Variants in EYS observed in about 807,000 individuals in gnomAD.
The protein encoded by EYS is EGF-like photoreceptor maintenance factor.
Under a neutral mutation model 282.1 loss-of-function variants are expected in EYS, and 250 were observed. The observed-to-expected ratio is 0.89, with a 90% confidence interval of 0.80 to 0.98. The LOEUF (loss-of-function observed/expected upper bound fraction) is 0.98, where lower values mean the gene tolerates loss of function less well. EYS is among the 50% of genes least tolerant of loss of function. EYS has a pLI of 0.00. For synonymous variants in EYS, 1,355 were observed against 1,282.9 expected, an observed-to-expected ratio of 1.06 and a Z score of -1.20; for missense variants, 4,016 against 3,709.0, an observed-to-expected ratio of 1.08 and a Z score of -2.15.
At chr6:65,211,082 G>A (rs757883654) in intron 12 of EYS, among the ~76,000 whole-genome samples, 1 of 151,902 alleles carries the variant, frequency 6.6e-6, no homozygotes, top group Non-Finnish European at 1.5e-5. Context: ...GTGTTTACAC[G>A]AGTATTAGCG....
At chr6:63,895,281 A>G (rs1773508556) in intron 35 of EYS, among the ~76,000 whole-genome samples, 1 of 152,198 alleles carries the variant, frequency 6.6e-6, no homozygotes, top group Non-Finnish European at 1.5e-5. Context: ...CTAAAATTGT[A>G]TCCAACTACT....
At chr6:63,907,987 T>TACACACACACACAC (rs60426309) in intron 35 of EYS, among the ~76,000 whole-genome samples, 10 of 105,900 alleles carry the variant, frequency 9.4e-5, no homozygotes, top group African/African-American at 3.2e-4. Flanking sequence ...TGTATATATG[T>TACACACACACACAC]ACACACACAC....
intron 13 of EYS, among the ~76,000 whole-genome samples, chr6:65,022,546 T>C (rs1772280319): frequency 6.6e-6 from 1 of 152,062 alleles, no homozygotes. Flanking sequence ...CTACAAGGAA[T>C]ACTAAAGGGA....
At chr6:65,611,381 T>G (rs1049814402) in intron 2 of EYS, among the ~76,000 whole-genome samples, 1 of 152,048 alleles carries the variant, frequency 6.6e-6, no homozygotes, top group Non-Finnish European at 1.5e-5. Flanking sequence ...GAAAAGTCAG[T>G]ATAAAGTATA....
chr6:65,397,778 T>A (rs1766342476), intron 7 of EYS, among the ~76,000 whole-genome samples: 1 of 152,102 alleles, frequency 6.6e-6, no homozygotes, highest in South Asian at 2.1e-4. Flanking sequence ...TATCCAGTAG[T>A]AGCATTGCTG....
intron 12 of EYS, among the ~76,000 whole-genome samples, chr6:65,271,128 T>TTATATATATA (rs70999188): frequency 0.02 from 1,123 of 55,744 alleles, 83 homozygotes; most frequent in South Asian, 0.046. Context: ...AATCAATAGA[T>TTATATATATA]TATATATATA....
At chr6:65,523,245 A>G (rs1347369075) in intron 2 of EYS, among the ~76,000 whole-genome samples, 2 of 152,180 alleles carry the variant, frequency 1.3e-5, no homozygotes, top group Admixed American at 1.3e-4. Context: ...TCAAAACATC[A>G]TACTGTAAAT....
At chr6:64,028,800 C>T (rs1769666160) in intron 33 of EYS, among the ~76,000 whole-genome samples, 2 of 152,178 alleles carry the variant, frequency 1.3e-5, no homozygotes, top group South Asian at 4.1e-4. Flanking sequence ...CTCGTGCCAG[C>T]AGGCTACTCT....
intron 30 of EYS, among the ~76,000 whole-genome samples, chr6:64,292,337 A>T (rs975767906): frequency 1.3e-4 from 20 of 152,192 alleles, no homozygotes; most frequent in African/African-American, 4.6e-4. Flanking sequence ...TGTGAAATAC[A>T]TTTGATAGCA....
rs762183182 is a variant in EYS, at chr6:65,572,461, T to G, written c.-333+67317A>C. 2.0e-4 allele frequency among the ~76,000 whole-genome samples: 31 copies of G among 152,096 alleles called. 1 individual carries two copies. The highest frequency in any genetic ancestry group is 3.7e-4 in the Non-Finnish European group (25 of 67,990). On this transcript the variant is annotated intron_variant, in intron 2 of 42. Transcript: ENST00000503581. ...AGAAAATTAAATGATAAGCCACAAA[T>G]TAGAAGAAATTTTTGTCACACATGA...
intron 2 of EYS, among the ~76,000 whole-genome samples, chr6:65,615,165 G>A (rs1766140727): frequency 6.6e-6 from 1 of 152,036 alleles, no homozygotes; most frequent in Non-Finnish European, 1.5e-5. Flanking sequence ...AAAATACTTT[G>A]CAAATTACTT....
intron 7 of EYS, among the ~76,000 whole-genome samples, chr6:65,389,909 T>A (rs1765949344): frequency 6.6e-6 from 1 of 152,016 alleles, no homozygotes; most frequent in Non-Finnish European, 1.5e-5. Flanking sequence ...TGTAAGTATG[T>A]TTTTTAAAAG....
intron 5 of EYS, among the ~76,000 whole-genome samples, chr6:65,408,623 T>C (rs982768719): frequency 2.0e-5 from 3 of 152,300 alleles, no homozygotes; most frequent in African/African-American, 7.2e-5. Context: ...TATTTTTTCC[T>C]TGTTCATTCC....
intron 19 of EYS, among the ~76,000 whole-genome samples, chr6:64,857,298 C>G (rs563786667): frequency 6.6e-6 from 1 of 152,116 alleles, no homozygotes; most frequent in Admixed American, 6.6e-5. Context: ...TTTGCCCAAC[C>G]TCTGGTAACC....
At chr6:65,230,332 A>C (rs183299892) in intron 12 of EYS, among the ~76,000 whole-genome samples, 1 of 150,190 alleles carries the variant, frequency 6.7e-6, no homozygotes, top group African/African-American at 2.4e-5. Flanking sequence ...TAATTGGCGA[A>C]TAGCAGAGCA....
chr6:64,395,078 T>G (rs1373462042), intron 28 of EYS, among the ~76,000 whole-genome samples: 2 of 152,120 alleles, frequency 1.3e-5, no homozygotes, highest in Non-Finnish European at 2.9e-5. Flanking sequence ...AAAACCATGA[T>G]GCGATACCAT....
In EYS at chr6:64,600,227, CT is replaced by C. The variant is rs1048943492; in HGVS notation, c.3685-6919del. The stretch of plus-strand genomic sequence containing the variant: ...CTAACCTCTGGTTATTTTCAGCTCT[CT>C]TTTTTTTCAACTGTATGTCCAATTC... On this transcript the variant is annotated intron_variant, in intron 24 of 42. Transcript: ENST00000503581. Among the ~76,000 whole-genome samples the C allele has an allele frequency of 1.1e-4, 14 of 132,228 alleles. 1 individual carries two copies. Among genetic ancestry groups the C allele is most frequent in the Admixed American group, 6.2e-4 (8 of 12,970 alleles). The allele number at this position is 132,228 out of a possible 152,430, so 86.7% of individuals were successfully genotyped here. A position where few individuals can be genotyped will look rare whatever the true frequency, so the allele number is the denominator to read the frequency against.
intron 26 of EYS, among the ~76,000 whole-genome samples, chr6:64,520,268 T>C (rs1777691371): frequency 6.6e-6 from 1 of 151,758 alleles, no homozygotes; most frequent in Admixed American, 6.6e-5. Context: ...ACCACAAAAA[T>C]GCTCCTATGA....
At chr6:65,196,046 T>A (rs559333181) in intron 12 of EYS, among the ~76,000 whole-genome samples, 1 of 152,166 alleles carries the variant, frequency 6.6e-6, no homozygotes, top group South Asian at 2.1e-4. Flanking sequence ...TGAAAGATAA[T>A]TGGATATGTA....
Sources: gnomAD v4.1 joint callset for allele counts (sites outside exome capture counted in the v4.1 genomes callset) on GRCh38, gnomAD v4.1.1 for gene constraint, MANE v1.5 for transcripts, NCBI Gene and HGNC (gene_info 2026-07-23, HGNC 2026-07-21) for gene names.